Variants in ROBO1 observed in about 807,000 individuals in gnomAD.
ROBO1 encodes roundabout guidance receptor 1.
A neutral mutation model predicts 195.9 loss-of-function variants in ROBO1; 149 were observed. The ratio of observed to expected loss-of-function variants is 0.76; its 90% CI spans 0.67 to 0.87. The LOEUF is 0.87. ROBO1 is among the 40% of genes least tolerant of loss of function. ROBO1 has a pLI of 0.00. For missense variants in ROBO1, 1,933 were observed against 2,068.3 expected (o/e 0.93, Z 1.27); for synonymous variants, 816 against 733.2 (o/e 1.11, Z -1.82).
At chr3:79,442,660 C>A (rs755717281) in intron 2 of ROBO1, among the ~76,000 whole-genome samples, 3 of 152,064 alleles carry the variant, frequency 2.0e-5, no homozygotes, top group Non-Finnish European at 4.4e-5. Flanking sequence ...CCACCAACCA[C>A]AAATGACTGT....
At chr3:78,954,169 G>A (rs2040926485) in intron 3 of ROBO1, among the ~76,000 whole-genome samples, 1 of 151,892 alleles carries the variant, frequency 6.6e-6, no homozygotes, top group Non-Finnish European at 1.5e-5. Context: ...AAAAACTAGA[G>A]CATTTAGCAG....
At chr3:79,395,958 G>T (rs1012037002) in intron 2 of ROBO1, among the ~76,000 whole-genome samples, 1 of 151,988 alleles carries the variant, frequency 6.6e-6, no homozygotes, top group African/African-American at 2.4e-5. Context: ...CAGTTTCTAA[G>T]GAAGGACATG....
At chr3:78,970,629 A>T (rs1407076519) in intron 3 of ROBO1, among the ~76,000 whole-genome samples, 2 of 152,202 alleles carry the variant, frequency 1.3e-5, no homozygotes, top group South Asian at 2.1e-4. Flanking sequence ...ATAATCTATA[A>T]CCTAAACTAA....
chr3:79,505,204 T>A (rs1477589307), intron 2 of ROBO1, among the ~76,000 whole-genome samples: 1 of 141,030 alleles, frequency 7.1e-6, no homozygotes, highest in Non-Finnish European at 1.5e-5. Flanking sequence ...TTATTAAACT[T>A]CTTTCTATAT....
At chr3:78,924,080 T>A (rs1378352639) in intron 4 of ROBO1, among the ~76,000 whole-genome samples, 1 of 152,068 alleles carries the variant, frequency 6.6e-6, no homozygotes, top group African/African-American at 2.4e-5. Context: ...TGTATAAGTA[T>A]GTATACATAC....
chr3:79,224,443 T>C (rs928835111), intron 2 of ROBO1, among the ~76,000 whole-genome samples: 3 of 152,172 alleles, frequency 2.0e-5, no homozygotes, highest in Admixed American at 2.0e-4. Context: ...GTATTTAGTT[T>C]TGAAAATTAA....
chr3:78,755,400 G>A (rs1018908211), intron 4 of ROBO1, among the ~76,000 whole-genome samples: 1 of 152,104 alleles, frequency 6.6e-6, no homozygotes, highest in Non-Finnish European at 1.5e-5. Context: ...CTTGAGCCTG[G>A]GAGATTGAGG....
At chr3:79,747,375 A>G (rs1703923291) in intron 1 of ROBO1, among the ~76,000 whole-genome samples, 1 of 152,080 alleles carries the variant, frequency 6.6e-6, no homozygotes, top group Admixed American at 6.5e-5. Flanking sequence ...AGATTTTAAA[A>G]GCACTCTATG....
At chr3:79,166,707 AG>A (rs1328908259) in intron 2 of ROBO1, among the ~76,000 whole-genome samples, 2 of 151,800 alleles carry the variant, frequency 1.3e-5, no homozygotes, top group African/African-American at 4.8e-5. Context: ...CTGGGTCTAT[AG>A]GCGCCCGCCA....
At chr3:79,149,693 C>T (rs576337806) in intron 2 of ROBO1, among the ~76,000 whole-genome samples, 4 of 151,832 alleles carry the variant, frequency 2.6e-5, no homozygotes, top group South Asian at 2.1e-4. Flanking sequence ...AGTGTTTTGG[C>T]GAGTCTGTGC....
At chr3:79,560,910 G>A (rs145861328) in intron 2 of ROBO1, among the ~76,000 whole-genome samples, 1 of 152,072 alleles carries the variant, frequency 6.6e-6, no homozygotes, top group East Asian at 1.9e-4. Context: ...ACAATTCACT[G>A]TCTTTGCTTT....
intron 2 of ROBO1, among the ~76,000 whole-genome samples, chr3:79,396,588 T>G: frequency 6.6e-6 from 1 of 152,136 alleles, no homozygotes; most frequent in East Asian, 1.9e-4. Flanking sequence ...AAAGAAGTCA[T>G]AATTACATTA....
intron 1 of ROBO1, among the ~76,000 whole-genome samples, chr3:79,756,689 G>T: frequency 6.6e-6 from 1 of 151,562 alleles, no homozygotes; most frequent in East Asian, 1.9e-4. Flanking sequence ...ACCATTTTAA[G>T]TGTTTAACTC....
chr3:79,678,455 G>T (rs1209072883), intron 1 of ROBO1, among the ~76,000 whole-genome samples: 39 of 151,968 alleles, frequency 2.6e-4, no homozygotes, highest in Non-Finnish European at 4.4e-5. Context: ...TAAAATATTT[G>T]ATAAGGCTAT....
intron 2 of ROBO1, among the ~76,000 whole-genome samples, chr3:79,204,512 C>T (rs568386714): frequency 1.2e-4 from 18 of 152,116 alleles, no homozygotes; most frequent in African/African-American, 4.1e-4. Context: ...AAGAACATTG[C>T]TATATGTGTT....
intron 2 of ROBO1, among the ~76,000 whole-genome samples, chr3:79,409,265 CA>C (rs968224750): frequency 6.6e-5 from 10 of 151,190 alleles, no homozygotes; most frequent in African/African-American, 1.5e-4. Flanking sequence ...TAGAATATGA[CA>C]AAAAAAAGAT....
intron 2 of ROBO1, among the ~76,000 whole-genome samples, chr3:79,536,451 C>T (rs1310181775): frequency 6.6e-6 from 1 of 152,054 alleles, no homozygotes; most frequent in East Asian, 1.9e-4. Flanking sequence ...TTCTGCATTT[C>T]TTCAAGAAAA....
intron 2 of ROBO1, among the ~76,000 whole-genome samples, chr3:79,281,498 A>G (rs2031504975): frequency 6.6e-6 from 1 of 152,158 alleles, no homozygotes; most frequent in Admixed American, 6.5e-5. Context: ...GAAAAATGTT[A>G]AGCTTGAAAA....
chr3:79,313,682 C>T (rs2109102701), intron 2 of ROBO1, among the ~76,000 whole-genome samples: 1 of 152,194 alleles, frequency 6.6e-6, no homozygotes, highest in Non-Finnish European at 1.5e-5. Flanking sequence ...CAATCCTCTC[C>T]CTTAGCCCTA....
Sources: gnomAD v4.1 joint callset for allele counts (sites outside exome capture counted in the v4.1 genomes callset) on GRCh38, gnomAD v4.1.1 for gene constraint, MANE v1.5 for transcripts, NCBI Gene and HGNC (gene_info 2026-07-23, HGNC 2026-07-21) for gene names.